PSEN1: variants seen among roughly 807,000 people sequenced by gnomAD.
The protein encoded by PSEN1 is presenilin 1.
A neutral mutation model predicts 53.5 loss-of-function variants in PSEN1; 15 were observed. The ratio of observed to expected loss-of-function variants is 0.28; its 90% confidence interval spans 0.19 to 0.43. The LOEUF is 0.43. Ranked by LOEUF, PSEN1 falls within the 20% of genes least tolerant of loss-of-function variation. The pLI is 1.00. For synonymous variants in PSEN1, 208 were observed against 209.8 expected (o/e 0.99, Z 0.08); for missense variants, 387 against 571.2 (o/e 0.68, Z 3.29).
chr14:73,166,157 T>C (rs1296445294), intron 3 of PSEN1, among the ~76,000 whole-genome samples: 1 of 152,226 alleles, frequency 6.6e-6, no homozygotes, highest in Admixed American at 6.5e-5. Context: ...AACAGTGTTC[T>C]AGTATCCATC....
intron 9 of PSEN1, among the ~76,000 whole-genome samples, chr14:73,207,958 T>G (rs931246907): frequency 6.6e-6 from 1 of 152,248 alleles, no homozygotes; most frequent in Non-Finnish European, 1.5e-5. Context: ...TACAGGCCAC[T>G]ACCACTAGTA....
chr14:73,148,086 A>G lies in PSEN1; in HGVS notation c.67A>G (p.Ser23Gly). Residue 23 changes from serine to glycine, a missense_variant, in exon 3 of 12, where the codon AGC becomes GGC. Transcript: ENST00000324501. Reference protein sequence around the residue: ...NAQMSEDNHLSNTVRSQNDNR... With the variant: ...NAQMSEDNHLGNTVRSQNDNR... Reference sequence around the variant, plus strand: ...ACAGATGTCTGAGGACAACCACCTGAGCAATACTGTACGTAGCCAGGTACA... The same window carrying G: ...ACAGATGTCTGAGGACAACCACCTGGGCAATACTGTACGTAGCCAGGTACA... The G allele has an allele frequency of 6.2e-7, 1 of 1,613,734 alleles. No homozygotes were observed. The highest frequency in any genetic ancestry group is 1.7e-4 in the Middle Eastern group (1 of 6,048).
intron 4 of PSEN1, among the ~76,000 whole-genome samples, chr14:73,171,890 C>G (rs1003493795): frequency 6.3e-4 from 96 of 152,152 alleles, no homozygotes; most frequent in African/African-American, 2.2e-3. Flanking sequence ...GATAACATTC[C>G]TGTTTCTCCT....
At chr14:73,154,888 C>T (rs1897314085) in intron 3 of PSEN1, among the ~76,000 whole-genome samples, 1 of 152,166 alleles carries the variant, frequency 6.6e-6, no homozygotes, top group South Asian at 2.1e-4. Flanking sequence ...AATTGATACA[C>T]TGCTGCTGAG....
At chr14:73,154,508 G>A (rs999849756) in intron 3 of PSEN1, among the ~76,000 whole-genome samples, 1 of 152,088 alleles carries the variant, frequency 6.6e-6, no homozygotes, top group African/African-American at 2.4e-5. Context: ...AGCTGAGGCA[G>A]GAGGATTGCT....
intron 8 of PSEN1, among the ~76,000 whole-genome samples, chr14:73,203,951 C>T (rs1330911691): frequency 2.6e-5 from 4 of 152,070 alleles, no homozygotes; most frequent in African/African-American, 9.7e-5. Context: ...CCCAGGAATT[C>T]AAGACCACCC....
rs569493344 is a variant in PSEN1 at position 73,215,975 on chromosome 14, C to T, written c.1130-1151C>T. Reference sequence around the variant, plus strand: ...CTACCCAATGGAAATGAAAACAGTCCGTCCCCACAGAGACATGGACATAAA... The same window carrying T: ...CTACCCAATGGAAATGAAAACAGTCTGTCCCCACAGAGACATGGACATAAA... On this transcript the variant is annotated intron_variant, in intron 10 of 11. Coordinates refer to ENST00000324501, the MANE Select transcript of PSEN1 (RefSeq NM_000021.4). Among the ~76,000 whole-genome samples, 3 of 152,202 alleles carry T rather than the reference C, an allele frequency of 2.0e-5. No individual in the cohort carries two copies. In the East Asian group the frequency reaches 5.8e-4, roughly 29 times the overall value.
intron 3 of PSEN1, among the ~76,000 whole-genome samples, chr14:73,159,314 TA>T (rs934127235): frequency 6.6e-6 from 1 of 152,120 alleles, no homozygotes; most frequent in African/African-American, 2.4e-5. Context: ...TCCAAACAGC[TA>T]GGACTACAGA....
chr14:73,194,780 G>A (rs1011046469), intron 7 of PSEN1, among the ~76,000 whole-genome samples: 1 of 151,078 alleles, frequency 6.6e-6, no homozygotes, highest in African/African-American at 2.4e-5. Context: ...ATGTTAGCCA[G>A]GATGATCTCG....
At chr14:73,164,863 CAT>C (rs149166990) in intron 3 of PSEN1, among the ~76,000 whole-genome samples, 1 of 151,950 alleles carries the variant, frequency 6.6e-6, no homozygotes. Context: ...CTTTTATTTT[CAT>C]ATATATATAT....
chr14:73,215,678 G>T, intron 10 of PSEN1, among the ~76,000 whole-genome samples: 1 of 152,154 alleles, frequency 6.6e-6, no homozygotes, highest in East Asian at 1.9e-4. Context: ...CCAAATTTAA[G>T]ATAGGGAAAT....
intron 3 of PSEN1, among the ~76,000 whole-genome samples, chr14:73,169,664 ATT>A (rs777972716): frequency 5.6e-5 from 8 of 142,046 alleles, no homozygotes; most frequent in Non-Finnish European, 3.1e-5. Context: ...AACCTTACCA[ATT>A]TTTTTTTTTT....
intron 2 of PSEN1, 42 bp from the exon 3 acceptor site, chr14:73,147,925 T>G: frequency 1.1e-6 from 1 of 914,018 alleles, no homozygotes; most frequent in African/African-American, 1.6e-5. Context: ...TATAACAGTA[T>G]AATTGTAGTG....
Position 73,187,941 on chromosome 14 carries a change from C to CT in PSEN1, c.548+1032dup, listed in dbSNP as rs201187760. Among the ~76,000 whole-genome samples the CT allele has an allele frequency of 4.1e-3, 606 of 147,806 alleles. 2 individuals carry two copies. Among genetic ancestry groups the CT allele is most frequent in the African/African-American group, 9.8e-3 (396 of 40,592 alleles). On this transcript the variant is annotated intron_variant, in intron 6 of 11. Transcript: ENST00000324501. ...TCAGCAATAGATGAAAAGAATAATA[C>CT]TTTTTTTTTTTGAGTCTCACGCTGT...
intron 3 of PSEN1, chr14:73,168,279 T>G (rs1048204601): frequency 6.6e-6 from 1 of 151,244 alleles, no homozygotes; most frequent in African/African-American, 2.4e-5. Context: ...TGCTTGAACC[T>G]GGGCGGCGGA....
intron 3 of PSEN1, among the ~76,000 whole-genome samples, chr14:73,166,466 A>C (rs1272450754): frequency 6.6e-6 from 1 of 152,348 alleles, no homozygotes; most frequent in East Asian, 1.9e-4. Flanking sequence ...TAAATGAGAT[A>C]ATGTGACAGT....
chr14:73,173,430 A>T lies in PSEN1; in HGVS notation c.339-136A>T, dbSNP rs757697857. 48 of 839,406 alleles carry T rather than the reference A, an allele frequency of 5.7e-5. No homozygotes were observed. The South Asian group carries it at 7.1e-4, about 12-fold the overall frequency. 52.0% of individuals were successfully genotyped at this position (839,406 alleles called of 1,614,324 possible). ...TCTCAGGTTAAAAATTCTTAGCTAG[A>T]TTGGTGAGTTGGGGAAAAGTGACTT... is the stretch of plus-strand genomic sequence containing the variant. On this transcript the variant is annotated intron_variant, in intron 4 of 11. Transcript: ENST00000324501.
rs183163906 is a variant in PSEN1 at position 73,194,435 on chromosome 14, T to A, written c.769+1571T>A. ...CCATGCCTAATTTTTTAAAAAAAAATTTTTTTTCAGAGATGAGATCTCACT... is the reference window on the plus strand; with the variant it reads ...CCATGCCTAATTTTTTAAAAAAAAAATTTTTTTCAGAGATGAGATCTCACT... On this transcript the variant is annotated intron_variant, in intron 7 of 11. Coordinates refer to ENST00000324501, the MANE Select transcript of PSEN1 (RefSeq NM_000021.4). Among the ~76,000 whole-genome samples, 31 of 151,734 alleles carry A rather than the reference T, an allele frequency of 2.0e-4. No individual in the cohort carries two copies. The East Asian group carries it at 3.5e-3, about 17-fold the overall frequency.
intron 9 of PSEN1, 66 bp from the exon 10 acceptor site, chr14:73,211,703 G>T (rs1899688646): frequency 9.0e-6 from 14 of 1,555,054 alleles, no homozygotes; most frequent in Non-Finnish European, 1.2e-5. Context: ...CTGTTTCCAT[G>T]TAATTTTCTT....
Sources: gnomAD v4.1 joint callset for allele counts (sites outside exome capture counted in the v4.1 genomes callset) on GRCh38, gnomAD v4.1.1 for gene constraint, MANE v1.5 for transcripts, NCBI Gene and HGNC (gene_info 2026-07-23, HGNC 2026-07-21) for gene names.